The following SRPX variants were observed in gnomAD, a reference collection of about 807,000 sequenced individuals.
SRPX encodes the protein sushi repeat containing protein X-linked.
In SRPX, 24 loss-of-function variants were observed where a neutral mutation model predicts 38.1. That is an observed-to-expected ratio of 0.63 (90% CI 0.46 to 0.89). The LOEUF is 0.89. Ranked by LOEUF, SRPX falls within the 40% of genes least tolerant of loss-of-function variation. The pLI, the probability that SRPX is intolerant of heterozygous loss-of-function variation, is 0.00. For missense variants in SRPX, 416 were observed against 377.8 expected, an observed-to-expected ratio of 1.10 and a Z score of -0.84; for synonymous variants, 184 against 153.8, an observed-to-expected ratio of 1.20 and a Z score of -1.45.
At chrX:38,199,466 T>C (rs1939069834) in intron 1 of SRPX, among the ~76,000 whole-genome samples, 3 of 110,523 alleles carry the variant, frequency 2.7e-5, no homozygotes, top group African/African-American at 6.6e-5. Flanking sequence ...GAGGTGAGAC[T>C]CTGGGAACAG....
At chrX:38,186,288 G>A (rs1301676105) in intron 1 of SRPX, among the ~76,000 whole-genome samples, 1 of 110,561 alleles carries the variant, frequency 9.0e-6, no homozygotes, top group Non-Finnish European at 1.9e-5. Context: ...AAGGTTATAA[G>A]AAGATCTCCC....
Position 38,170,595 on chromosome X carries a change from A to C in SRPX, c.526+1286T>G, listed in dbSNP as rs772106406. 9.9e-5 allele frequency among the ~76,000 whole-genome samples: 11 copies of C among 111,164 alleles called. No individual in the cohort carries two copies. The South Asian group carries it at 4.3e-3, about 43-fold the overall frequency. On this transcript the variant is annotated intron_variant, in intron 4 of 9. Coordinates refer to ENST00000378533, the MANE Select transcript of SRPX (RefSeq NM_006307.5). Reference sequence around the variant, plus strand: ...TTGCATGTACAATCCTCCTTCTCCCAAATATGCCTGAACCTTGTTCTGACA... The same window carrying C: ...TTGCATGTACAATCCTCCTTCTCCCCAATATGCCTGAACCTTGTTCTGACA...
chrX:38,158,815 C>T (rs753450229), intron 7 of SRPX, among the ~76,000 whole-genome samples: 95 of 110,637 alleles, frequency 8.6e-4, no homozygotes, highest in South Asian at 1.6e-3. Context: ...CCCGTCTTTA[C>T]TAAAAATACA....
intron 7 of SRPX, among the ~76,000 whole-genome samples, chrX:38,158,207 G>A (rs191133376): frequency 3.6e-5 from 4 of 111,848 alleles, no homozygotes; most frequent in African/African-American, 1.3e-4. Context: ...GCAATGTGGG[G>A]CACAAAGGCC....
chrX:38,178,291 A>G lies in SRPX; in HGVS notation c.151T>C (p.Tyr51His). 2 of 1,208,649 alleles carry G rather than the reference A, an allele frequency of 1.7e-6. No homozygotes were observed. Residue 51 changes from tyrosine (Y) to histidine (H), a missense_variant, in exon 2 of 10, where the codon TAT becomes CAT. Tyr to His is a moderately conservative substitution (Grantham distance 83). Transcript: ENST00000378533. ...DDEVGYSHPR[Y>H]KDTPWCSPIK... is the part of the protein sequence containing the mutation. ...ACATAAGCAAAGCATTCACCTTTAT[A>G]TCTAGGGTGTGAATACCCGACTTCA...
At chrX:38,156,170 C>T (rs752820430) in intron 8 of SRPX, among the ~76,000 whole-genome samples, 1 of 111,643 alleles carries the variant, frequency 9.0e-6, no homozygotes, top group South Asian at 3.8e-4. Context: ...TGAAGTTGGC[C>T]ACTCTTTTGC....
chrX:38,177,695 A>G lies in SRPX; in HGVS notation c.157+590T>C, dbSNP rs150874765. On this transcript the variant is annotated intron_variant, in intron 2 of 9. Coordinates refer to ENST00000378533, the MANE Select transcript of SRPX (RefSeq NM_006307.5). Reference sequence around the variant, plus strand: ...AGTAGAAATATTTGTGGACATACTTACCTGAGTCTGGACAGAAGGTTCTTG... The same window carrying G: ...AGTAGAAATATTTGTGGACATACTTGCCTGAGTCTGGACAGAAGGTTCTTG... Among the ~76,000 whole-genome samples the G allele has an allele frequency of 7.5e-3, 835 of 111,539 alleles. 3 individuals are homozygous for G. The highest frequency in any genetic ancestry group is 0.012 in the Non-Finnish European group (644 of 53,134).
intron 7 of SRPX, among the ~76,000 whole-genome samples, chrX:38,157,761 TG>T (rs1938160248): frequency 8.9e-6 from 1 of 111,996 alleles, no homozygotes; most frequent in African/African-American, 3.2e-5. Flanking sequence ...CAATACCAAT[TG>T]GTTATCAAGC....
Position 38,200,698 on chromosome X carries a change from C to G in SRPX, c.97+19998G>C, listed in dbSNP as rs1180152544. On this transcript the variant is annotated intron_variant, in intron 1 of 9. Transcript: ENST00000378533. ...AGGAACCCATTCTTGAGATAACTAA[C>G]AACCCACTCCTGCTATAATGGCATT... Among the ~76,000 whole-genome samples, 3 of 111,660 alleles carry G rather than the reference C, an allele frequency of 2.7e-5. No individual in the cohort carries two copies. The Admixed American group carries it at 2.8e-4, about 11-fold the overall frequency.
chrX:38,149,700 G>A lies in SRPX; in HGVS notation c.*11C>T. ...CAATGAAGAGGAATTGCCAAGAGAGGAACCATCATGTCAGGTGTTACAGGT... is the reference window on the plus strand; with the variant it reads ...CAATGAAGAGGAATTGCCAAGAGAGAAACCATCATGTCAGGTGTTACAGGT... On this transcript the variant is annotated 3_prime_UTR_variant, in exon 10 of 10. Coordinates refer to ENST00000378533, the MANE Select transcript of SRPX (RefSeq NM_006307.5). The A allele has an allele frequency of 8.3e-7, 1 of 1,202,155 alleles. No homozygotes were observed. Among genetic ancestry groups the A allele is most frequent in the African/African-American group, 1.7e-5 (1 of 57,618 alleles).
At chrX:38,212,166 T>C (rs1939338390) in intron 1 of SRPX, among the ~76,000 whole-genome samples, 1 of 112,338 alleles carries the variant, frequency 8.9e-6, no homozygotes. Flanking sequence ...AAGATGTGCT[T>C]TGCTGCTGCT....
At chrX:38,203,241 TA>T (rs200761211) in intron 1 of SRPX, among the ~76,000 whole-genome samples, 40 of 107,504 alleles carry the variant, frequency 3.7e-4, no homozygotes, top group African/African-American at 9.4e-4. Context: ...ATTCGTGATT[TA>T]AAAAAAAAAA....
At chrX:38,150,287 T>C (rs1937989053) in intron 9 of SRPX, among the ~76,000 whole-genome samples, 1 of 112,365 alleles carries the variant, frequency 8.9e-6, no homozygotes, top group Non-Finnish European at 1.9e-5. Flanking sequence ...ACAGATTTTT[T>C]TTATTAAATT....
chrX:38,149,553 G>T lies in SRPX; in HGVS notation c.*158C>A. The T allele has an allele frequency of 2.0e-6, 1 of 512,131 alleles. No individual in the cohort carries two copies. Among genetic ancestry groups the T allele is most frequent in the Non-Finnish European group, 3.0e-6 (1 of 338,539 alleles). The allele number at this position is 512,131 out of a possible 1,213,427, so 42.2% of individuals were successfully genotyped here. A position where few individuals can be genotyped will look rare whatever the true frequency, so the allele number is the denominator to read the frequency against. On this transcript the variant is annotated 3_prime_UTR_variant, in exon 10 of 10. Transcript: ENST00000378533. ...TTTGAAACACTTCCAAGTACAAAAA[G>T]CAGCATGCTAATTTTTAAGTGCAAA...
At chrX:38,178,149 A>AT (rs1012330916) in intron 2 of SRPX, 136 bp downstream of exon 2, 147 of 368,597 alleles carry the variant, frequency 4.0e-4, no homozygotes, top group Middle Eastern at 7.7e-4. Context: ...ATATATATAT[A>AT]TTTTTTTTTC....
intron 2 of SRPX, among the ~76,000 whole-genome samples, chrX:38,177,300 C>T (rs1938583495): frequency 9.0e-6 from 1 of 111,099 alleles, no homozygotes; most frequent in African/African-American, 3.3e-5. Flanking sequence ...GCATTCAGAT[C>T]TCACAAAAAA....
intron 7 of SRPX, among the ~76,000 whole-genome samples, chrX:38,158,402 A>G (rs781170380): frequency 1.8e-5 from 2 of 112,367 alleles, no homozygotes; most frequent in Non-Finnish European, 3.8e-5. Context: ...AGTAGATGCC[A>G]TGTATGATTT....
rs771018662 is a variant in SRPX at position 38,173,564 on chromosome X, CT to C, written c.349+595del. ...TCCCGGGTTCTAGCAATTCTCCTGC[CT>C]CAGCCTCCTGAGTAGCTGGGATTAC... is the stretch of plus-strand genomic sequence containing the variant. On this transcript the variant is annotated intron_variant, in intron 3 of 9. Transcript: ENST00000378533. Among the ~76,000 whole-genome samples the C allele has an allele frequency of 1.8e-4, 20 of 111,470 alleles. No homozygotes were observed. In the South Asian group the frequency reaches 7.4e-3, roughly 41 times the overall value.
intron 3 of SRPX, among the ~76,000 whole-genome samples, chrX:38,172,403 A>T (rs1938491297): frequency 8.8e-6 from 1 of 113,226 alleles, no homozygotes. Flanking sequence ...CGGCGAGCTG[A>T]GATTGCGCCA....
Sources: allele counts gnomAD v4.1 joint callset (sites outside exome capture counted in the v4.1 genomes callset), GRCh38; gene constraint gnomAD v4.1.1; transcripts MANE v1.5; gene names NCBI Gene and HGNC (gene_info 2026-07-23, HGNC 2026-07-21).